The following NISCH variants were observed in gnomAD, a reference collection of about 807,000 sequenced individuals.
NISCH encodes nischarin.
Under a neutral mutation model 138.4 loss-of-function variants are expected in NISCH, and 55 were observed. That is an observed-to-expected ratio of 0.40 (90% CI 0.32 to 0.50). The LOEUF (loss-of-function observed/expected upper bound fraction) is 0.50, where lower values mean the gene tolerates loss of function less well. NISCH is among the 20% of genes least tolerant of loss of function. The probability of loss-of-function intolerance (pLI) is 0.71; values close to 1 mark genes in which losing one functional copy is unlikely to be tolerated. For missense variants in NISCH, 1,643 were observed against 2,005.5 expected, an observed-to-expected ratio of 0.82 and a Z score of 3.45; for synonymous variants, 860 against 861.5, an observed-to-expected ratio of 1.00 and a Z score of 0.03.
chr3:52,478,041 C>T (rs1243725010), intron 9 of NISCH, 56 bp from the exon 10 acceptor site: 1 of 1,577,708 alleles, frequency 6.3e-7, no homozygotes, highest in African/African-American at 1.3e-5. Context: ...GTGTCAGGCC[C>T]CTATCTTTGG....
chr3:52,484,462 T>TTGCGC, intron 13 of NISCH, 51 bp from the exon 14 acceptor site: 3 of 788,670 alleles, frequency 3.8e-6, no homozygotes, highest in Non-Finnish European at 5.5e-6. Flanking sequence ...ACAGCCGCTC[T>TTGCGC]CCCCGCCCCA....
In NISCH at chr3:52,457,894, C is replaced by G; in HGVS notation, c.145C>G (p.Arg49Gly). ...DGSHEWTVKH[R>G]YSDFHDLHEK... is the part of the protein sequence containing the mutation. ...CAGCCATGAGTGGACAGTAAAGCAC[C>G]GCTACAGCGACTTCCATGACCTGCA... The change falls in exon 2 of 21, where the codon CGC becomes GGC. Residue 49 changes from arginine to glycine, a missense_variant. Arg to Gly is a moderately radical substitution (Grantham distance 125, BLOSUM62 -2). Transcript: ENST00000345716. 6.2e-7 allele frequency: 1 copy of G among 1,611,474 alleles called. No homozygotes were observed. The highest frequency in any genetic ancestry group is 8.5e-7 in the Non-Finnish European group (1 of 1,177,806).
chr3:52,481,136 T>C, intron 13 of NISCH: 1 of 1,261,932 alleles, frequency 7.9e-7, no homozygotes, highest in Non-Finnish European at 1.0e-6. Flanking sequence ...GGATTTTCTC[T>C]TAGAGGGATA....
At chr3:52,481,820 A>AG (rs1707284166) in intron 13 of NISCH, 16 of 985,396 alleles carry the variant, frequency 1.6e-5, no homozygotes, top group Non-Finnish European at 1.9e-5. Context: ...CACTCTGCAG[A>AG]GGGGCACTCT....
chr3:52,486,141 G>C (rs896266613), intron 15 of NISCH, among the ~76,000 whole-genome samples: 2 of 152,130 alleles, frequency 1.3e-5, no homozygotes, highest in Non-Finnish European at 2.9e-5. Context: ...ACTGAGTCTC[G>C]CTCTGTCGCC....
At position 52,488,474 on chromosome 3, in the gene NISCH, C is replaced by T. The variant is rs1264931184; in HGVS notation, c.2982C>T (p.Phe994=). Residue 994 remains phenylalanine, a synonymous_variant, in exon 16 of 21, where the codon TTC becomes TTT. Transcript: ENST00000345716. The part of the protein sequence containing the change: ...IFVLPHEKFH[F]LRVYNQLRAS... ...TGCTGCCCCACGAGAAGTTCCACTT[C>T]CTGCGCGTCTACAACCAGCTGCGGG... 1.2e-6 allele frequency: 2 copies of T among 1,613,560 alleles called. No homozygotes were observed. The highest frequency in any genetic ancestry group is 1.7e-6 in the Non-Finnish European group (2 of 1,180,004).
chr3:52,477,717 A>G, intron 9 of NISCH, 75 bp downstream of exon 9: 1 of 1,304,566 alleles, frequency 7.7e-7, no homozygotes, highest in Non-Finnish European at 1.1e-6. Flanking sequence ...AGACTGACGC[A>G]GCCTTGGGAA....
chr3:52,461,864 A>C lies in NISCH; in HGVS notation c.360+3020A>C, dbSNP rs539789985. Among the ~76,000 whole-genome samples the C allele has an allele frequency of 1.4e-3, 204 of 147,810 alleles. 1 individual carries two copies. Among genetic ancestry groups the C allele is most frequent in the African/African-American group, 4.8e-3 (194 of 40,696 alleles). On this transcript the variant is annotated intron_variant, in intron 3 of 20. Coordinates refer to ENST00000345716, the MANE Select transcript of NISCH (RefSeq NM_007184.4). ...GGCGACAGAGCAAGACTCCGTCACAAAAAAAAAAAAAAAAGAAATATTGTA... is the reference window on the plus strand; with the variant it reads ...GGCGACAGAGCAAGACTCCGTCACACAAAAAAAAAAAAAAGAAATATTGTA...
At chr3:52,455,857 G>C (rs961148913) in intron 1 of NISCH, 123 bp downstream of exon 1, 9 of 647,198 alleles carry the variant, frequency 1.4e-5, no homozygotes, top group African/African-American at 1.3e-4. Flanking sequence ...GTCTGCGATT[G>C]CGAGGAGGGG....
At chr3:52,467,057 A>G (rs1253066884) in intron 3 of NISCH, among the ~76,000 whole-genome samples, 5 of 148,564 alleles carry the variant, frequency 3.4e-5, no homozygotes, top group African/African-American at 1.2e-4. Context: ...CTGGAGTGCA[A>G]TGATGCAATC....
At chr3:52,456,508 A>G (rs1443694425) in intron 1 of NISCH, among the ~76,000 whole-genome samples, 1 of 151,924 alleles carries the variant, frequency 6.6e-6, no homozygotes, top group Non-Finnish European at 1.5e-5. Flanking sequence ...CAGGCCTGTG[A>G]GCCTGGTGGG....
At chr3:52,472,470 G>A (rs1233667614) in intron 6 of NISCH, 72 bp downstream of exon 6, 7 of 1,381,992 alleles carry the variant, frequency 5.1e-6, no homozygotes, top group Non-Finnish European at 7.2e-6. Flanking sequence ...GATGTTGGGT[G>A]TCCTAATTTA....
At position 52,463,576 on chromosome 3, in the gene NISCH, A is replaced by G. The variant is rs1245787711; in HGVS notation, c.360+4732A>G. 2.6e-5 allele frequency among the ~76,000 whole-genome samples: 4 copies of G among 152,158 alleles called. No homozygotes were observed. The East Asian group carries it at 7.7e-4, about 29-fold the overall frequency. On this transcript the variant is annotated intron_variant, in intron 3 of 20. Coordinates refer to ENST00000345716, the MANE Select transcript of NISCH (RefSeq NM_007184.4). Reference sequence around the variant, plus strand: ...TTTGACGTTTCCATCGGCAGTGTATAGGTTCTAATTTCCCCACATTCTTGC... The same window carrying G: ...TTTGACGTTTCCATCGGCAGTGTATGGGTTCTAATTTCCCCACATTCTTGC...
chr3:52,472,034 G>A, intron 5 of NISCH, 57 bp downstream of exon 5: 2 of 1,509,580 alleles, frequency 1.3e-6, no homozygotes, highest in African/African-American at 1.4e-5. Context: ...GGTGCAACCT[G>A]CGGGGGACTG....
At position 52,458,797 on chromosome 3, in the gene NISCH, G is replaced by T; in HGVS notation, c.313G>T (p.Gly105Cys). 6.2e-7 allele frequency: 1 copy of T among 1,612,680 alleles called. No individual in the cohort carries two copies. Among genetic ancestry groups the T allele is most frequent in the African/African-American group, 1.3e-5 (1 of 74,978 alleles). ...CCAGAAGCTCCTGGCTGCCTTCCCTGGCGTGACCCCCAGAGTACTGGCCCA... is the reference window on the plus strand; with the variant it reads ...CCAGAAGCTCCTGGCTGCCTTCCCTTGCGTGACCCCCAGAGTACTGGCCCA... ...YLQKLLAAFPGVTPRVLAHFL... is the reference protein window; with the variant it reads ...YLQKLLAAFPCVTPRVLAHFL... The change falls in exon 3 of 21, where the codon GGC becomes TGC. Residue 105 changes from glycine to cysteine, a missense_variant. Gly to Cys is a radical substitution (Grantham distance 159). Coordinates refer to ENST00000345716, the MANE Select transcript of NISCH (RefSeq NM_007184.4).
At chr3:52,484,462 T>TCTCCC in intron 13 of NISCH, 51 bp from the exon 14 acceptor site, 2 of 788,668 alleles carry the variant, frequency 2.5e-6, no homozygotes, top group Non-Finnish European at 3.7e-6. Flanking sequence ...ACAGCCGCTC[T>TCTCCC]CCCCGCCCCA....
rs539700412 is a variant in NISCH, at chr3:52,462,665, C to T, written c.360+3821C>T. Among the ~76,000 whole-genome samples, 9 of 152,150 alleles carry T rather than the reference C, an allele frequency of 5.9e-5. No homozygotes were observed. In the South Asian group the frequency reaches 1.5e-3, roughly 25 times the overall value. ...ATTTTTATTTTTTGAGACGGAGTTT[C>T]GTTCTTACTGGCCAGGCTGGAGTGC... is the stretch of plus-strand genomic sequence containing the variant. On this transcript the variant is annotated intron_variant, in intron 3 of 20. Transcript: ENST00000345716.
In NISCH at chr3:52,492,030, C is replaced by T; in HGVS notation, c.4063C>T (p.Gln1355Ter). The change falls in exon 21 of 21, where the codon CAG (glutamine) becomes TAG (stop). Residue 1355 changes from glutamine (Q) to a stop codon, truncating the protein, a stop_gained. Coordinates refer to ENST00000345716, the MANE Select transcript of NISCH (RefSeq NM_007184.4). LOFTEE classifies it high-confidence loss of function. The stretch of plus-strand genomic sequence containing the variant: ...CATCCTGCTGTACGTGCAGGCCTTC[C>T]AGGTGGGCATGCCACCCCCTGGGTG... Reference protein sequence around the residue: ...LSILLYVQAFQVGMPPPGCCR... With the variant: ...LSILLYVQAF The T allele has an allele frequency of 6.2e-7, 1 of 1,613,198 alleles. No homozygotes were observed. The highest frequency in any genetic ancestry group is 8.5e-7 in the Non-Finnish European group (1 of 1,179,958).
chr3:52,472,502 G>T, intron 6 of NISCH, 104 bp downstream of exon 6: 3 of 1,027,436 alleles, frequency 2.9e-6, no homozygotes, highest in Non-Finnish European at 4.5e-6. Context: ...CTGTGCTTTC[G>T]TGTTTGGCAG....
Sources: gnomAD v4.1 joint callset for allele counts (sites outside exome capture counted in the v4.1 genomes callset) on GRCh38, gnomAD v4.1.1 for gene constraint, MANE v1.5 for transcripts, NCBI Gene and HGNC (gene_info 2026-07-23, HGNC 2026-07-21) for gene names.